The following HSPA6 variants were observed in gnomAD, a reference collection of about 807,000 sequenced individuals.
HSPA6 encodes heat shock 70 kDa protein 6.
For synonymous variants in HSPA6, 312 were observed against 368.2 expected, an observed-to-expected ratio of 0.85 and a Z score of 1.75; for missense variants, 718 against 860.9, an observed-to-expected ratio of 0.83 and a Z score of 2.08.
rs10919225 is a variant in HSPA6 at position 161,525,116 on chromosome 1, A to G, written c.458A>G (p.Asn153Ser). The change falls in exon 1 of 1, where the codon AAT becomes AGT. Residue 153 changes from asparagine to serine, a missense_variant. By Grantham distance (46) the Asn-to-Ser change is conservative (BLOSUM62 1). Coordinates refer to ENST00000309758, the MANE Select transcript of HSPA6 (RefSeq NM_002155.5). ...HAVITVPAYF[N>S]DSQRQATKDA... ...GTGATCACCGTGCCCGCCTATTTCA[A>G]TGACTCGCAGCGCCAGGCCACCAAG... is the stretch of plus-strand genomic sequence containing the variant. 2,631 of 1,613,284 alleles carry G rather than the reference A, an allele frequency of 1.6e-3. 46 individuals are homozygous for G. The African/African-American group carries it at 0.03, about 18-fold the overall frequency.
chr1:161,526,286 C>T lies in HSPA6; in HGVS notation c.1628C>T (p.Ser543Leu), dbSNP rs765131903. 1.4e-5 allele frequency: 22 copies of T among 1,611,696 alleles called. No homozygotes were observed. Among genetic ancestry groups the T allele is most frequent in the East Asian group, 1.1e-4 (5 of 44,824 alleles). Residue 543 changes from serine (S) to leucine (L), a missense_variant, in exon 1 of 1, where the codon TCG becomes TTG. Transcript: ENST00000309758. Reference protein sequence around the residue: ...AQRDRVAAKNSLEAHVFHVKG... With the variant: ...AQRDRVAAKNLLEAHVFHVKG... The stretch of plus-strand genomic sequence containing the variant: ...AGGGACAGAGTGGCTGCCAAAAACT[C>T]GCTGGAGGCCCATGTCTTCCATGTG...
rs952324501 is a variant in HSPA6, at chr1:161,525,795, G to C, written c.1137G>C (p.Ala379=). 15 of 1,600,648 alleles carry C rather than the reference G, an allele frequency of 9.4e-6. No homozygotes were observed. Among genetic ancestry groups the C allele is most frequent in the Non-Finnish European group, 1.2e-5 (14 of 1,172,238 alleles). ...TGGCCTATGGGGCTGCTGTGCAGGCGGCCGTGTTGATGGGGGACAAATGTG... is the reference window on the plus strand; with the variant it reads ...TGGCCTATGGGGCTGCTGTGCAGGCCGCCGTGTTGATGGGGGACAAATGTG... The part of the protein sequence containing the change: ...EAVAYGAAVQ[A]AVLMGDKCEK... The change falls in exon 1 of 1, where the codon GCG becomes GCC. Residue 379 remains alanine, a synonymous_variant. Transcript: ENST00000309758.
At position 161,525,862 on chromosome 1, in the gene HSPA6, T is replaced by C; in HGVS notation, c.1204T>C (p.Ser402Pro). 31 of 1,593,770 alleles carry C rather than the reference T, an allele frequency of 1.9e-5. 1 individual carries two copies. Among genetic ancestry groups the C allele is most frequent in the Non-Finnish European group, 2.6e-5 (30 of 1,167,460 alleles). Residue 402 changes from serine to proline, a missense_variant, in exon 1 of 1, where the codon TCT (serine) becomes CCT (proline). By Grantham distance (74) the Ser-to-Pro change is moderately conservative. Coordinates refer to ENST00000309758, the MANE Select transcript of HSPA6 (RefSeq NM_002155.5). Reference sequence around the variant, plus strand: ...CCTGCTGCTGGATGTGGCTCCCCTGTCTCTGGGGCTGGAGACAGCAGGTGG... The same window carrying C: ...CCTGCTGCTGGATGTGGCTCCCCTGCCTCTGGGGCTGGAGACAGCAGGTGG... Reference protein sequence around the residue: ...DLLLLDVAPLSLGLETAGGVM... With the variant: ...DLLLLDVAPLPLGLETAGGVM...
At position 161,526,887 on chromosome 1, in the gene HSPA6, G is replaced by A. The variant is rs1217271077; in HGVS notation, c.*297G>A. The A allele has an allele frequency of 3.3e-6, 1 of 299,998 alleles. No homozygotes were observed. Among genetic ancestry groups the A allele is most frequent in the Non-Finnish European group, 6.5e-6 (1 of 153,892 alleles). 18.6% of individuals were successfully genotyped at this position (299,998 alleles called of 1,614,324 possible). A position where few individuals can be genotyped will look rare whatever the true frequency, so the allele number is the denominator to read the frequency against. Reference sequence around the variant, plus strand: ...TTTTGTTATGTAAAATATAGTTATAGACCTAAATAAGCTTTTAAAACTCCT... The same window carrying A: ...TTTTGTTATGTAAAATATAGTTATAAACCTAAATAAGCTTTTAAAACTCCT... On this transcript the variant is annotated 3_prime_UTR_variant, in exon 1 of 1. Transcript: ENST00000309758.
At position 161,525,194 on chromosome 1, in the gene HSPA6, C is replaced by G; in HGVS notation, c.536C>G (p.Thr179Arg). The change falls in exon 1 of 1, where the codon ACG (threonine) becomes AGG (arginine). Residue 179 changes from threonine (T) to arginine (R), a missense_variant. Coordinates refer to ENST00000309758, the MANE Select transcript of HSPA6 (RefSeq NM_002155.5). Reference sequence around the variant, plus strand: ...GTGTTGCGGATCATCAATGAGCCCACGGCAGCTGCCATCGCCTATGGGCTG... The same window carrying G: ...GTGTTGCGGATCATCAATGAGCCCAGGGCAGCTGCCATCGCCTATGGGCTG... ...LNVLRIINEP[T>R]AAAIAYGLDR... is the part of the protein sequence containing the mutation. 1 of 1,614,008 alleles carries G rather than the reference C, an allele frequency of 6.2e-7. No homozygotes were observed. Among genetic ancestry groups the G allele is most frequent in the Non-Finnish European group, 8.5e-7 (1 of 1,179,964 alleles).
In HSPA6 at chr1:161,526,224, T is replaced by C. The variant is rs754486431; in HGVS notation, c.1566T>C (p.His522=). ...LSKEEVERMV[H]EAEQYKAEDE... The stretch of plus-strand genomic sequence containing the variant: ...AGGAGGAGGTGGAGAGGATGGTTCA[T>C]GAAGCCGAGCAGTACAAGGCTGAGG... Residue 522 remains histidine, a synonymous_variant, in exon 1 of 1, where the codon CAT becomes CAC. Transcript: ENST00000309758. The C allele has an allele frequency of 1.1e-5, 18 of 1,613,796 alleles. No homozygotes were observed. Among genetic ancestry groups the C allele is most frequent in the Admixed American group, 6.7e-5 (4 of 59,968 alleles).
rs555595505 is a variant in HSPA6, at chr1:161,525,351, A to T, written c.693A>T (p.Gly231=). ...CCACTGCTGGAGATACCCACCTGGG[A>T]GGAGAGGACTTCGACAACCGGCTCG... ...VKATAGDTHL[G]GEDFDNRLVN... Residue 231 remains glycine, a synonymous_variant, in exon 1 of 1, where the codon GGA becomes GGT. Coordinates refer to ENST00000309758, the MANE Select transcript of HSPA6 (RefSeq NM_002155.5). 33 of 1,613,662 alleles carry T rather than the reference A, an allele frequency of 2.0e-5. 1 individual carries two copies. In the East Asian group the frequency reaches 7.4e-4, roughly 36 times the overall value.
chr1:161,526,190 G>A lies in HSPA6; in HGVS notation c.1532G>A (p.Arg511Gln), dbSNP rs556997263. 4.3e-6 allele frequency: 7 copies of A among 1,613,904 alleles called. No individual in the cohort carries two copies. In the African/African-American group the frequency reaches 5.3e-5, roughly 12 times the overall value. The change falls in exon 1 of 1, where the codon CGG becomes CAG. Residue 511 changes from arginine to glutamine, a missense_variant. Arg to Gln is a conservative substitution (Grantham distance 43). Transcript: ENST00000309758. ...ATCACCATCACCAATGACAAGGGCC[G>A]GCTGAGCAAGGAGGAGGTGGAGAGG... ...NKITITNDKGRLSKEEVERMV... is the reference protein window; with the variant it reads ...NKITITNDKGQLSKEEVERMV...
rs1367356230 is a variant in HSPA6, at chr1:161,525,047, A to G, written c.389A>G (p.Lys130Arg). 3 of 1,612,852 alleles carry G rather than the reference A, an allele frequency of 1.9e-6. No homozygotes were observed. In the African/African-American group the frequency reaches 4.0e-5, roughly 22 times the overall value. ...EISSMVLSKMKETAEAYLGQP... is the reference protein window; with the variant it reads ...EISSMVLSKMRETAEAYLGQP... Reference sequence around the variant, plus strand: ...TCGTCCATGGTGCTGAGCAAGATGAAGGAGACGGCCGAGGCGTACCTGGGC... The same window carrying G: ...TCGTCCATGGTGCTGAGCAAGATGAGGGAGACGGCCGAGGCGTACCTGGGC... The change falls in exon 1 of 1, where the codon AAG becomes AGG. Residue 130 changes from lysine to arginine, a missense_variant. Lys to Arg is a conservative substitution (Grantham distance 26). Transcript: ENST00000309758.
rs1042924129 is a variant in HSPA6, at chr1:161,525,966, C to T, written c.1308C>T (p.Asn436=). The change falls in exon 1 of 1, where the codon AAC becomes AAT. Residue 436 remains asparagine, a synonymous_variant. Coordinates refer to ENST00000309758, the MANE Select transcript of HSPA6 (RefSeq NM_002155.5). The stretch of plus-strand genomic sequence containing the variant: ...AGACTTTCACCACCTACTCGGACAA[C>T]CAGCCTGGGGTCTTCATCCAGGTGT... ...QTQTFTTYSD[N]QPGVFIQVYE... 3.1e-6 allele frequency: 5 copies of T among 1,613,488 alleles called. No individual in the cohort carries two copies. In the African/African-American group the frequency reaches 6.7e-5, roughly 22 times the overall value.
At position 161,525,208 on chromosome 1, in the gene HSPA6, G is replaced by A. The variant is rs1557843778; in HGVS notation, c.550G>A (p.Ala184Thr). 1 of 1,614,020 alleles carries A rather than the reference G, an allele frequency of 6.2e-7. No homozygotes were observed. Among genetic ancestry groups the A allele is most frequent in the Non-Finnish European group, 8.5e-7 (1 of 1,179,964 alleles). ...CAATGAGCCCACGGCAGCTGCCATC[G>A]CCTATGGGCTGGACCGGCGGGGCGC... is the stretch of plus-strand genomic sequence containing the variant. Reference protein sequence around the residue: ...IINEPTAAAIAYGLDRRGAGE... With the variant: ...IINEPTAAAITYGLDRRGAGE... Residue 184 changes from alanine to threonine, a missense_variant, in exon 1 of 1, where the codon GCC becomes ACC. Coordinates refer to ENST00000309758, the MANE Select transcript of HSPA6 (RefSeq NM_002155.5).
Position 161,526,578 on chromosome 1 carries a change from G to A in HSPA6, c.1920G>A (p.Glu640=). Residue 640 remains glutamate, a synonymous_variant, in exon 1 of 1, where the codon GAG becomes GAA. Transcript: ENST00000309758. ...QGDPSTGPII[E]EVD Reference sequence around the variant, plus strand: ...ACCCCAGCACCGGCCCCATCATTGAGGAGGTTGATTGAATGGCCCTTCGTG... The same window carrying A: ...ACCCCAGCACCGGCCCCATCATTGAAGAGGTTGATTGAATGGCCCTTCGTG... The A allele has an allele frequency of 9.8e-6, 15 of 1,536,712 alleles. No homozygotes were observed. The highest frequency in any genetic ancestry group is 1.3e-5 in the Non-Finnish European group (15 of 1,143,012).
rs146341078 is a variant in HSPA6, at chr1:161,525,507, C to T, written c.849C>T (p.Thr283=). The T allele has an allele frequency of 3.6e-5, 58 of 1,613,580 alleles. 1 individual carries two copies. The African/African-American group carries it at 7.6e-4, about 21-fold the overall frequency. The change falls in exon 1 of 1, where the codon ACC becomes ACT. Residue 283 remains threonine, a synonymous_variant. Transcript: ENST00000309758. ...KRTLSSSTQA[T]LEIDSLFEGV... is the part of the protein sequence containing the mutation. ...CCCTGTCCTCCAGCACCCAGGCCACCCTGGAGATAGACTCCCTGTTCGAGG... is the reference window on the plus strand; with the variant it reads ...CCCTGTCCTCCAGCACCCAGGCCACTCTGGAGATAGACTCCCTGTTCGAGG...
Position 161,525,235 on chromosome 1 carries a change from G to A in HSPA6, c.577G>A (p.Gly193Arg). 1.2e-6 allele frequency: 2 copies of A among 1,614,044 alleles called. No homozygotes were observed. The highest frequency in any genetic ancestry group is 1.7e-6 in the Non-Finnish European group (2 of 1,179,976). ...CTATGGGCTGGACCGGCGGGGCGCG[G>A]GAGAGCGCAACGTGCTCATTTTTGA... Reference protein sequence around the residue: ...IAYGLDRRGAGERNVLIFDLG... With the variant: ...IAYGLDRRGARERNVLIFDLG... Residue 193 changes from glycine to arginine, a missense_variant, in exon 1 of 1, where the codon GGA becomes AGA. Coordinates refer to ENST00000309758, the MANE Select transcript of HSPA6 (RefSeq NM_002155.5).
Position 161,524,663 on chromosome 1 carries a change from A to G in HSPA6, c.5A>G (p.Gln2Arg). The G allele has an allele frequency of 7.2e-7, 1 of 1,382,258 alleles. No individual in the cohort carries two copies. The highest frequency in any genetic ancestry group is 9.8e-7 in the Non-Finnish European group (1 of 1,018,976). The allele number at this position is 1,382,258 out of a possible 1,614,324, so 85.6% of individuals were successfully genotyped here. Residue 2 changes from glutamine (Q) to arginine (R), a missense_variant, in exon 1 of 1, where the codon CAG becomes CGG. Transcript: ENST00000309758. The part of the protein sequence containing the change: M[Q>R]APRELAVGID... ...ATCCGACAAGAAGCTTCAGCCATGC[A>G]GGCCCCACGGGAGCTCGCGGTGGGC...
rs769711481 is a variant in HSPA6, at chr1:161,526,382, A to G, written c.1724A>G (p.Lys575Arg). The G allele has an allele frequency of 6.5e-5, 104 of 1,598,912 alleles. 2 individuals are homozygous for G. The Middle Eastern group carries it at 6.6e-4, about 10-fold the overall frequency. The change falls in exon 1 of 1, where the codon AAG becomes AGG. Residue 575 changes from lysine (K) to arginine (R), a missense_variant. Physicochemically the swap from Lys to Arg is conservative, Grantham distance 26 (BLOSUM62 2). Coordinates refer to ENST00000309758, the MANE Select transcript of HSPA6 (RefSeq NM_002155.5). ...PEEDRRKMQD[K>R]CREVLAWLEH... is the part of the protein sequence containing the mutation. ...GAGGACAGGCGCAAAATGCAAGACAAGTGTCGGGAAGTCCTTGCCTGGCTG... is the reference window on the plus strand; with the variant it reads ...GAGGACAGGCGCAAAATGCAAGACAGGTGTCGGGAAGTCCTTGCCTGGCTG...
chr1:161,524,888 G>C lies in HSPA6; in HGVS notation c.230G>C (p.Gly77Ala), dbSNP rs150647842. Reference protein sequence around the residue: ...NTVFDAKRLIGRKFADTTVQS... With the variant: ...NTVFDAKRLIARKFADTTVQS... ...GTGTTCGATGCCAAGCGGCTGATCG[G>C]GCGCAAGTTCGCGGACACCACGGTG... is the stretch of plus-strand genomic sequence containing the variant. The change falls in exon 1 of 1, where the codon GGG becomes GCG. Residue 77 changes from glycine (G) to alanine (A), a missense_variant. Physicochemically the swap from Gly to Ala is moderately conservative, Grantham distance 60 (BLOSUM62 0). Transcript: ENST00000309758. 1.3e-4 allele frequency: 213 copies of C among 1,613,134 alleles called. 2 individuals are homozygous for C. In the African/African-American group the frequency reaches 2.7e-3, roughly 21 times the overall value.
chr1:161,525,460 G>C lies in HSPA6; in HGVS notation c.802G>C (p.Ala268Pro), dbSNP rs754627558. 2 of 1,613,106 alleles carry C rather than the reference G, an allele frequency of 1.2e-6. No homozygotes were observed. The highest frequency in any genetic ancestry group is 2.2e-5 in the South Asian group (2 of 90,970). Residue 268 changes from alanine (A) to proline (P), a missense_variant, in exon 1 of 1, where the codon GCC becomes CCC. Physicochemically the swap from Ala to Pro is conservative, Grantham distance 27. Coordinates refer to ENST00000309758, the MANE Select transcript of HSPA6 (RefSeq NM_002155.5). Reference sequence around the variant, plus strand: ...GCGTGCCCTGCGCAGGCTGCGCACAGCCTGTGAGCGCGCCAAGCGCACCCT... The same window carrying C: ...GCGTGCCCTGCGCAGGCTGCGCACACCCTGTGAGCGCGCCAAGCGCACCCT... Reference protein sequence around the residue: ...NKRALRRLRTACERAKRTLSS... With the variant: ...NKRALRRLRTPCERAKRTLSS...
In HSPA6 at chr1:161,526,541, C is replaced by G; in HGVS notation, c.1883C>G (p.Ala628Gly). 6.3e-7 allele frequency: 1 copy of G among 1,592,262 alleles called. No homozygotes were observed. The highest frequency in any genetic ancestry group is 1.1e-5 in the South Asian group (1 of 88,290). Residue 628 changes from alanine to glycine, a missense_variant, in exon 1 of 1, where the codon GCC becomes GGC. Ala to Gly is a moderately conservative substitution (Grantham distance 60). Transcript: ENST00000309758. ...VPGGSSCGTQ[A>G]RQGDPSTGPI... is the part of the protein sequence containing the mutation. ...GGGGGCAGCAGTTGTGGCACTCAAG[C>G]CCGCCAGGGGGACCCCAGCACCGGC...
Sources: allele counts gnomAD v4.1 joint callset, GRCh38; gene constraint gnomAD v4.1.1; transcripts MANE v1.5; gene names NCBI Gene and HGNC (gene_info 2026-07-23, HGNC 2026-07-21).